The following RORB variants were observed in gnomAD, a reference collection of about 807,000 sequenced individuals.
RORB encodes nuclear receptor ROR-beta.
A neutral mutation model predicts 59.1 loss-of-function variants in RORB; 6 were observed. The observed-to-expected ratio is 0.10, with a 90% CI of 0.06 to 0.20. The LOEUF (loss-of-function observed/expected upper bound fraction) is 0.20, where lower values mean the gene tolerates loss of function less well. Among genes scored for constraint, RORB ranks in the 10% least tolerant of loss-of-function variants. The pLI, the probability that RORB is intolerant of heterozygous loss-of-function variation, is 1.00. For missense variants in RORB, 320 were observed against 560.5 expected, an observed-to-expected ratio of 0.57 and a Z score of 4.33; for synonymous variants, 215 against 204.5, an observed-to-expected ratio of 1.05 and a Z score of -0.44.
At position 74,684,363 on chromosome 9, in the gene RORB, A is replaced by G. The variant is rs1362133023; in HGVS notation, c.1225-1100A>G. Among the ~76,000 whole-genome samples, 3 of 152,116 alleles carry G rather than the reference A, an allele frequency of 2.0e-5. No homozygotes were observed. The East Asian group carries it at 5.8e-4, about 29-fold the overall frequency. ...GATGAGATAGGTTTTGTTTAACTGT[A>G]TTTTTCATCAATTTCAAGTGTGTCT... is the stretch of plus-strand genomic sequence containing the variant. On this transcript the variant is annotated intron_variant, in intron 9 of 9. Transcript: ENST00000376896.
Position 74,658,910 on chromosome 9 carries a change from A to C in RORB, c.638-1707A>C, listed in dbSNP as rs894686317. ...CAAGTCTAGAAATGCTCAGTGCTGA[A>C]TCCAATAGAGTAGAGCTATCATCAG... On this transcript the variant is annotated intron_variant, in intron 4 of 9. Coordinates refer to ENST00000376896, the MANE Select transcript of RORB (RefSeq NM_006914.4). Among the ~76,000 whole-genome samples, 10 of 152,342 alleles carry C rather than the reference A, an allele frequency of 6.6e-5. No homozygotes were observed. In the East Asian group the frequency reaches 1.7e-3, roughly 26 times the overall value.
At chr9:74,568,881 G>A (rs902326407) in intron 1 of RORB, among the ~76,000 whole-genome samples, 9 of 151,978 alleles carry the variant, frequency 5.9e-5, no homozygotes, top group African/African-American at 1.7e-4. Flanking sequence ...TATTTATAGT[G>A]TCACAGTTCT....
chr9:74,533,666 C>G (rs1826279506), intron 1 of RORB, among the ~76,000 whole-genome samples: 1 of 152,008 alleles, frequency 6.6e-6, no homozygotes, highest in Non-Finnish European at 1.5e-5. Context: ...GAGCATCAGT[C>G]CAGAGAGACA....
chr9:74,564,611 T>G (rs1442941271), intron 1 of RORB, among the ~76,000 whole-genome samples: 2 of 152,238 alleles, frequency 1.3e-5, no homozygotes, highest in East Asian at 1.9e-4. Flanking sequence ...CAGTCATTAC[T>G]TTGTATAGCC....
chr9:74,657,883 T>C lies in RORB; in HGVS notation c.638-2734T>C, dbSNP rs201306832. ...ATCCAGGTGTGGTGGTGGGCACCTGTAATCACAGCTACTCGGGAGGCTGAG... is the reference window on the plus strand; with the variant it reads ...ATCCAGGTGTGGTGGTGGGCACCTGCAATCACAGCTACTCGGGAGGCTGAG... On this transcript the variant is annotated intron_variant, in intron 4 of 9. Coordinates refer to ENST00000376896, the MANE Select transcript of RORB (RefSeq NM_006914.4). 3.2e-4 allele frequency among the ~76,000 whole-genome samples: 49 copies of C among 150,980 alleles called. No homozygotes were observed. The East Asian group carries it at 9.1e-3, about 28-fold the overall frequency.
chr9:74,548,026 G>T (rs1313319820), intron 1 of RORB, among the ~76,000 whole-genome samples: 4 of 152,186 alleles, frequency 2.6e-5, no homozygotes, highest in African/African-American at 9.7e-5. Flanking sequence ...TTAATGTTGA[G>T]TTTTCAATAT....
chr9:74,629,212 C>T (rs1188864694), intron 1 of RORB, among the ~76,000 whole-genome samples: 1 of 151,436 alleles, frequency 6.6e-6, no homozygotes, highest in South Asian at 2.1e-4. Context: ...TCTCCTAACA[C>T]CCAAGTTGGA....
At chr9:74,634,501 G>T (rs1427788660) in intron 2 of RORB, 130 bp from the exon 3 acceptor site, 3 of 725,448 alleles carry the variant, frequency 4.1e-6, no homozygotes, top group Non-Finnish European at 6.3e-6. Flanking sequence ...TACAAGAAGA[G>T]GTATCCAAAG....
Position 74,642,829 on chromosome 9 carries a change from T to A in RORB, c.637+14T>A, listed in dbSNP as rs1003372406. The A allele has an allele frequency of 6.4e-7, 1 of 1,556,300 alleles. No homozygotes were observed. The highest frequency in any genetic ancestry group is 1.9e-5 in the Admixed American group (1 of 52,390). On this transcript the variant is annotated intron_variant, in intron 4 of 9. Transcript: ENST00000376896. Reference sequence around the variant, plus strand: ...TGACTGAAATCGGTAAGTGGAAGTCTCCTCCCAGTGGCTTTTTTTGAGATT... The same window carrying A: ...TGACTGAAATCGGTAAGTGGAAGTCACCTCCCAGTGGCTTTTTTTGAGATT...
chr9:74,626,716 G>A (rs1823523405), intron 1 of RORB, among the ~76,000 whole-genome samples: 1 of 152,184 alleles, frequency 6.6e-6, no homozygotes, highest in African/African-American at 2.4e-5. Flanking sequence ...TCAACAGCAT[G>A]TCACTAGATC....
rs190980915 is a variant in RORB at position 74,523,134 on chromosome 9, T to C, written c.7+25151T>C. 5.9e-5 allele frequency among the ~76,000 whole-genome samples: 9 copies of C among 151,980 alleles called. 1 individual carries two copies. The highest frequency in any genetic ancestry group is 5.8e-4 in the East Asian group (3 of 5,150). ...TTTAATTTGCTATAGTCTTATGTTT[T>C]TCCCTTACATTTTCTTACAAGTCTG... On this transcript the variant is annotated intron_variant, in intron 1 of 9. Transcript: ENST00000376896.
chr9:74,647,235 G>A (rs1823914718), intron 4 of RORB, among the ~76,000 whole-genome samples: 1 of 152,140 alleles, frequency 6.6e-6, no homozygotes, highest in Non-Finnish European at 1.5e-5. Context: ...CTAGCTAAAA[G>A]ATGTTCCGCA....
intron 1 of RORB, among the ~76,000 whole-genome samples, chr9:74,554,528 G>A (rs1398188819): frequency 1.3e-5 from 2 of 151,744 alleles, no homozygotes; most frequent in African/African-American, 2.4e-5. Flanking sequence ...AGAAGGGAGT[G>A]TAGAACAACC....
chr9:74,624,726 T>C (rs1823482375), intron 1 of RORB, among the ~76,000 whole-genome samples: 1 of 152,162 alleles, frequency 6.6e-6, no homozygotes. Context: ...GATTTTTAAC[T>C]TGGATTTGTC....
At chr9:74,628,946 C>A (rs1390466480) in intron 1 of RORB, among the ~76,000 whole-genome samples, 2 of 152,068 alleles carry the variant, frequency 1.3e-5, no homozygotes, top group African/African-American at 4.8e-5. Context: ...CACCAAATTG[C>A]ACACATAGAA....
intron 1 of RORB, among the ~76,000 whole-genome samples, chr9:74,518,641 A>G (rs1826043865): frequency 6.6e-6 from 1 of 152,000 alleles, no homozygotes; most frequent in Non-Finnish European, 1.5e-5. Flanking sequence ...TCCAGCTTTC[A>G]AAGTCCATAA....
chr9:74,554,315 T>C (rs958991455), intron 1 of RORB, among the ~76,000 whole-genome samples: 1 of 152,172 alleles, frequency 6.6e-6, no homozygotes, highest in African/African-American at 2.4e-5. Context: ...TTCTCTGCAA[T>C]TGCAACCTGA....
At chr9:74,611,122 T>C (rs1823225866) in intron 1 of RORB, among the ~76,000 whole-genome samples, 1 of 152,084 alleles carries the variant, frequency 6.6e-6, no homozygotes, top group Non-Finnish European at 1.5e-5. Context: ...AGCACTACGT[T>C]AGTGTGAAAA....
chr9:74,662,530 C>T lies in RORB; in HGVS notation c.816C>T (p.Tyr272=). 1.2e-6 allele frequency: 2 copies of T among 1,613,960 alleles called. No homozygotes were observed. Among genetic ancestry groups the T allele is most frequent in the Admixed American group, 1.7e-5 (1 of 60,010 alleles). ...TCCAGATCACTCACGCCATCCAATA[C>T]GTGGTGGAGTTTGCAAAGCGGATAA... The part of the protein sequence containing the change: ...CAIQITHAIQ[Y]VVEFAKRITG... Residue 272 remains tyrosine (Y), a synonymous_variant, in exon 6 of 10, where the codon TAC becomes TAT. Transcript: ENST00000376896.
Sources: gnomAD v4.1 joint callset for allele counts (sites outside exome capture counted in the v4.1 genomes callset) on GRCh38, gnomAD v4.1.1 for gene constraint, MANE v1.5 for transcripts, NCBI Gene and HGNC (gene_info 2026-07-23, HGNC 2026-07-21) for gene names.